Variants in DSCAM observed in about 807,000 individuals in gnomAD.
DSCAM encodes the protein DS cell adhesion molecule, also known as cell adhesion molecule DSCAM.
DSCAM carries 47 observed loss-of-function variants against 217.7 expected under a neutral mutation model. The observed-to-expected ratio is 0.22, with a 90% CI of 0.17 to 0.28. The LOEUF (loss-of-function observed/expected upper bound fraction) is 0.28, where lower values mean the gene tolerates loss of function less well. DSCAM is among the 10% of genes least tolerant of loss of function. The pLI is 1.00. For synonymous variants in DSCAM, 1,056 were observed against 1,015.3 expected (o/e 1.04, Z -0.76); for missense variants, 2,080 against 2,618.3 (o/e 0.79, Z 4.49).
At chr21:40,811,879 G>A (rs912152597) in intron 1 of DSCAM, among the ~76,000 whole-genome samples, 23 of 152,216 alleles carry the variant, frequency 1.5e-4, no homozygotes, top group African/African-American at 2.9e-4. Context: ...CAACTTTGGT[G>A]TCTGTTCCGG....
At chr21:40,489,797 AAAAAT>A in intron 3 of DSCAM, among the ~76,000 whole-genome samples, 1 of 150,124 alleles carries the variant, frequency 6.7e-6, no homozygotes, top group East Asian at 1.9e-4. Flanking sequence ...AAAAAAAAAA[AAAAAT>A]AAGTACCATT....
chr21:40,449,179 A>G (rs1348362713), intron 3 of DSCAM, among the ~76,000 whole-genome samples: 3 of 152,158 alleles, frequency 2.0e-5, no homozygotes, highest in Admixed American at 1.3e-4. Flanking sequence ...GCATATGATT[A>G]GTTTGGGCCC....
chr21:40,295,653 C>T (rs562779599), intron 10 of DSCAM, among the ~76,000 whole-genome samples: 1 of 152,300 alleles, frequency 6.6e-6, no homozygotes, highest in East Asian at 1.9e-4. Context: ...ACTCATCTCT[C>T]TAAATACTGG....
chr21:40,372,189 G>A (rs768926809), intron 3 of DSCAM, among the ~76,000 whole-genome samples: 4 of 152,138 alleles, frequency 2.6e-5, no homozygotes, highest in Non-Finnish European at 4.4e-5. Context: ...TCCCTAACTT[G>A]CCACTGTACC....
intron 15 of DSCAM, among the ~76,000 whole-genome samples, chr21:40,175,325 G>T (rs907873034): frequency 3.9e-5 from 6 of 152,228 alleles, no homozygotes; most frequent in African/African-American, 1.4e-4. Context: ...TGTCGGCCAG[G>T]CTGGTCTCGA....
chr21:40,398,332 T>A (rs1160843916), intron 3 of DSCAM, among the ~76,000 whole-genome samples: 3 of 152,212 alleles, frequency 2.0e-5, no homozygotes, highest in Admixed American at 1.3e-4. Flanking sequence ...GGATCCCTTT[T>A]GCAGTTGACT....
intron 1 of DSCAM, among the ~76,000 whole-genome samples, chr21:40,741,318 C>CA (rs2091121223): frequency 6.6e-6 from 1 of 152,168 alleles, no homozygotes; most frequent in African/African-American, 2.4e-5. Context: ...TTAAAATGGA[C>CA]AAATGGGTGC....
At chr21:40,840,034 T>C (rs559066444) in intron 1 of DSCAM, among the ~76,000 whole-genome samples, 66 of 152,302 alleles carry the variant, frequency 4.3e-4, no homozygotes, top group African/African-American at 1.4e-3. Flanking sequence ...TTTTAAAAAA[T>C]CAGCGTTGAT....
intron 3 of DSCAM, among the ~76,000 whole-genome samples, chr21:40,661,965 G>T (rs1347152587): frequency 1.3e-5 from 2 of 152,160 alleles, no homozygotes; most frequent in Non-Finnish European, 2.9e-5. Context: ...TTTAAAATAT[G>T]CCTAGCAAGA....
intron 32 of DSCAM, among the ~76,000 whole-genome samples, chr21:40,018,372 A>G (rs1157883850): frequency 6.6e-6 from 1 of 151,698 alleles, no homozygotes. Flanking sequence ...ATTTTTATTC[A>G]ATATTATTTT....
At position 40,085,755 on chromosome 21, in the gene DSCAM, G is replaced by T; in HGVS notation, c.3979C>A (p.Pro1327Thr). ...VKWMKDSNGT[P>T]SLVTIDGRRS... ...CGCCCATCAATCGTTACTAGACTGG[G>T]TGTCCCGTTACTGCCTCACAGGAAG... The change falls in exon 23 of 33, where the codon CCC becomes ACC. Residue 1327 changes from proline to threonine, a missense_variant. Around this residue, in one of 5 missense-constraint regions of DSCAM, gnomAD observed 1,144 missense variants for 1,421.1 expected, o/e 0.81. Coordinates refer to ENST00000400454, the MANE Select transcript of DSCAM (RefSeq NM_001389.5). 1.3e-6 allele frequency: 2 copies of T among 1,512,412 alleles called. No individual in the cohort carries two copies. Among genetic ancestry groups the T allele is most frequent in the Non-Finnish European group, 1.8e-6 (2 of 1,113,668 alleles). 93.7% of individuals were successfully genotyped at this position (1,512,412 alleles called of 1,614,324 possible).
chr21:40,697,311 C>A (rs560191856), intron 2 of DSCAM, among the ~76,000 whole-genome samples: 6 of 152,272 alleles, frequency 3.9e-5, no homozygotes, highest in Non-Finnish European at 7.4e-5. Flanking sequence ...TTTTTATTTT[C>A]TTTGCTGTGC....
chr21:40,287,533 C>G (rs1363857278), intron 10 of DSCAM, among the ~76,000 whole-genome samples: 1 of 152,146 alleles, frequency 6.6e-6, no homozygotes, highest in African/African-American at 2.4e-5. Flanking sequence ...GAGAGGGTCA[C>G]CTGAGCAGTT....
At chr21:40,637,632 A>AG (rs1555875012) in intron 3 of DSCAM, among the ~76,000 whole-genome samples, 1 of 42,230 alleles carries the variant, frequency 2.4e-5, no homozygotes, top group Non-Finnish European at 4.2e-5. Context: ...TACATATATA[A>AG]ATATATATAA....
chr21:40,259,835 G>A (rs2073425815), intron 11 of DSCAM, among the ~76,000 whole-genome samples: 1 of 151,712 alleles, frequency 6.6e-6, no homozygotes, highest in African/African-American at 2.4e-5. Flanking sequence ...CACCACACCT[G>A]TTATAAATGA....
intron 16 of DSCAM, among the ~76,000 whole-genome samples, chr21:40,155,969 G>C: frequency 6.6e-6 from 1 of 152,046 alleles, no homozygotes; most frequent in East Asian, 1.9e-4. Flanking sequence ...AGTCGCCCCA[G>C]CCAGTGCTCT....
At chr21:40,100,270 G>A (rs1208865323) in intron 20 of DSCAM, among the ~76,000 whole-genome samples, 1 of 152,142 alleles carries the variant, frequency 6.6e-6, no homozygotes, top group Non-Finnish European at 1.5e-5. Flanking sequence ...ATAACCAGAA[G>A]TTCTCTCAGT....
chr21:40,276,076 G>T (rs776338423), intron 11 of DSCAM, 21 bp downstream of exon 11: 1 of 1,537,874 alleles, frequency 6.5e-7, no homozygotes, highest in Admixed American at 2.1e-5. Flanking sequence ...TAGGTAAAAC[G>T]AAGCATTTCT....
intron 5 of DSCAM, among the ~76,000 whole-genome samples, chr21:40,348,191 C>A (rs142272876): frequency 0.025 from 3,599 of 146,670 alleles, 37 homozygotes; most frequent in African/African-American, 0.058. Flanking sequence ...CTATCAGCCA[C>A]ATTATTGCAA....
Sources: allele counts gnomAD v4.1 joint callset (sites outside exome capture counted in the v4.1 genomes callset), GRCh38; gene constraint gnomAD v4.1.1; regional missense constraint gnomAD v4.1.1; transcripts MANE v1.5; gene names NCBI Gene and HGNC (gene_info 2026-07-23, HGNC 2026-07-21).